The following HTT variants were observed in gnomAD, a reference collection of about 807,000 sequenced individuals.
HTT encodes huntington disease protein.
In HTT, 104 loss-of-function variants were observed where a neutral mutation model predicts 362.3. The observed-to-expected ratio is 0.29, with a 90% CI of 0.24 to 0.34. The LOEUF is 0.34. HTT is among the 10% of genes least tolerant of loss of function. The probability of loss-of-function intolerance (pLI) is 1.00; values close to 1 mark genes in which losing one functional copy is unlikely to be tolerated. For synonymous variants in HTT, 1,577 were observed against 1,548.7 expected (o/e 1.02, Z -0.43); for missense variants, 3,301 against 3,928.6 (o/e 0.84, Z 4.27).
chr4:3,178,401 C>T lies in HTT; in HGVS notation c.4567C>T (p.Leu1523Phe). ...QIIGIPKIIQ[L>F]CDGIMASGRK... ...CATTGGAATTCCTAAAATCATTCAG[C>T]TCTGTGATGGCATCATGGCCAGTGG... is the stretch of plus-strand genomic sequence containing the variant. The change falls in exon 35 of 67, where the codon CTC becomes TTC. Residue 1523 changes from leucine to phenylalanine, a missense_variant. By Grantham distance (22) the Leu-to-Phe change is conservative (BLOSUM62 0). Coordinates refer to ENST00000355072, the MANE Select transcript of HTT (RefSeq NM_001388492.1). 1 of 1,613,596 alleles carries T rather than the reference C, an allele frequency of 6.2e-7. No homozygotes were observed. Among genetic ancestry groups the T allele is most frequent in the Non-Finnish European group, 8.5e-7 (1 of 1,179,540 alleles).
intron 14 of HTT, among the ~76,000 whole-genome samples, chr4:3,130,833 G>A (rs942825245): frequency 2.0e-5 from 3 of 152,096 alleles, no homozygotes; most frequent in Admixed American, 1.3e-4. Context: ...AAGGAATAGC[G>A]TTTCACAGTT....
intron 29 of HTT, 127 bp from the exon 30 acceptor site, chr4:3,172,193 C>A: frequency 1.5e-6 from 1 of 686,582 alleles, no homozygotes; most frequent in Non-Finnish European, 2.7e-6. Context: ...GAAAACTTTC[C>A]TCTGATTTTC....
intron 38 of HTT, among the ~76,000 whole-genome samples, chr4:3,187,078 C>A (rs1287135567): frequency 6.6e-6 from 1 of 151,496 alleles, no homozygotes; most frequent in Non-Finnish European, 1.5e-5. Context: ...CCAGGATGGT[C>A]TTGATCTCCT....
At position 3,145,590 on chromosome 4, in the gene HTT, A is replaced by G. The variant is rs1393760793; in HGVS notation, c.3143+362A>G. On this transcript the variant is annotated intron_variant, in intron 24 of 66. Coordinates refer to ENST00000355072, the MANE Select transcript of HTT (RefSeq NM_001388492.1). ...TTTTTTCACTTAATTGTGACCTAGC[A>G]TACGAAATGGTGATGATTTAGGAAC... Among the ~76,000 whole-genome samples, 6 of 152,226 alleles carry G rather than the reference A, an allele frequency of 3.9e-5. No homozygotes were observed. In the East Asian group the frequency reaches 9.6e-4, roughly 24 times the overall value.
intron 28 of HTT, 43 bp downstream of exon 28, chr4:3,157,242 C>T (rs1717195538): frequency 6.4e-7 from 1 of 1,552,924 alleles, no homozygotes; most frequent in Non-Finnish European, 8.8e-7. Flanking sequence ...TGCACACATA[C>T]TTACGTCTAA....
intron 1 of HTT, among the ~76,000 whole-genome samples, chr4:3,085,631 G>T (rs1284718055): frequency 3.3e-5 from 5 of 152,190 alleles, no homozygotes; most frequent in Non-Finnish European, 7.3e-5. Context: ...TAAATTCCAT[G>T]GGGGAAGGAA....
rs1560604611 is a variant in HTT, at chr4:3,229,870, G to C, written c.8110-17G>C. The C allele has an allele frequency of 6.2e-7, 1 of 1,613,322 alleles. No individual in the cohort carries two copies. The highest frequency in any genetic ancestry group is 8.5e-7 in the Non-Finnish European group (1 of 1,179,284). On this transcript the variant is annotated splice_polypyrimidine_tract_variant and intron_variant, in intron 59 of 66. Transcript: ENST00000355072. ...GCGCGATTCTCCCCTTGCCCTCCTGGTTTTCCACATCTCCAGCTTCTAGTG... is the reference window on the plus strand; with the variant it reads ...GCGCGATTCTCCCCTTGCCCTCCTGCTTTTCCACATCTCCAGCTTCTAGTG...
intron 24 of HTT, among the ~76,000 whole-genome samples, chr4:3,145,735 G>A (rs1716566551): frequency 6.6e-6 from 1 of 152,184 alleles, no homozygotes; most frequent in African/African-American, 2.4e-5. Flanking sequence ...CTTTCATTTT[G>A]TGTATCAATT....
chr4:3,125,021 A>G (rs1302564017), intron 10 of HTT, among the ~76,000 whole-genome samples: 2 of 152,210 alleles, frequency 1.3e-5, no homozygotes, highest in African/African-American at 2.4e-5. Context: ...GAACTTTCAA[A>G]TGAAATATTA....
intron 60 of HTT, 122 bp downstream of exon 60, chr4:3,230,164 G>C: frequency 1.3e-6 from 1 of 765,986 alleles, no homozygotes; most frequent in Non-Finnish European, 2.2e-6. Context: ...GACCCGAACC[G>C]GACTCCACGG....
intron 64 of HTT, among the ~76,000 whole-genome samples, chr4:3,237,225 C>T (rs908743827): frequency 6.6e-6 from 1 of 152,138 alleles, no homozygotes; most frequent in African/African-American, 2.4e-5. Context: ...AGGCACACAC[C>T]ACCATGCCCA....
chr4:3,178,556 G>A (rs363095), intron 35 of HTT, 110 bp downstream of exon 35: 111,791 of 894,484 alleles, frequency 0.12, 10,117 homozygotes, highest in African/African-American at 0.42. Flanking sequence ...GTGCTTCTCA[G>A]GCTCTGCATG....
intron 3 of HTT, among the ~76,000 whole-genome samples, chr4:3,102,700 C>A (rs980430483): frequency 1.3e-5 from 2 of 152,206 alleles, no homozygotes; most frequent in African/African-American, 4.8e-5. Flanking sequence ...TTTGGCACAG[C>A]TTCCTCCCTC....
intron 57 of HTT, among the ~76,000 whole-genome samples, chr4:3,227,827 C>T (rs924198046): frequency 1.3e-5 from 2 of 151,852 alleles, no homozygotes; most frequent in Non-Finnish European, 2.9e-5. Flanking sequence ...GACAGTGCCA[C>T]CCCTGCCCTG....
In HTT at chr4:3,115,309, G is replaced by T. The variant is rs779011165; in HGVS notation, c.753G>T (p.Leu251Phe). 1.9e-6 allele frequency: 3 copies of T among 1,613,782 alleles called. No homozygotes were observed. Among genetic ancestry groups the T allele is most frequent in the African/African-American group, 2.7e-5 (2 of 74,908 alleles). The change falls in exon 7 of 67, where the codon TTG (leucine) becomes TTT (phenylalanine). Residue 251 changes from leucine (L) to phenylalanine (F), a missense_variant. Leu to Phe is a conservative substitution (Grantham distance 22). Transcript: ENST00000355072. ...NFANDNEIKV[L>F]LKAFIANLKS... ...TTGGACTTTTGCTTCCGTAGGTTTT[G>T]TTAAAGGCCTTCATAGCGAACCTGA... is the stretch of plus-strand genomic sequence containing the variant.
chr4:3,115,876 T>G (rs1199733606), intron 7 of HTT, among the ~76,000 whole-genome samples: 1 of 152,226 alleles, frequency 6.6e-6, no homozygotes, highest in East Asian at 1.9e-4. Flanking sequence ...ACGACCTGGC[T>G]TTCAAAGGCA....
rs552689589 is a variant in HTT, at chr4:3,225,547, G to A, written c.7766-114G>A. The A allele has an allele frequency of 1.2e-5, 10 of 820,096 alleles. No homozygotes were observed. In the East Asian group the frequency reaches 2.5e-4, roughly 20 times the overall value. 50.8% of individuals were successfully genotyped at this position (820,096 alleles called of 1,614,324 possible). A position where few individuals can be genotyped will look rare whatever the true frequency, so the allele number is the denominator to read the frequency against. ...TGGGCCCTCCTGCCAGTGGCGGCGA[G>A]GGCAGGTGGCTCACGGCTGGGTGCC... is the stretch of plus-strand genomic sequence containing the variant. On this transcript the variant is annotated intron_variant, in intron 56 of 66. Coordinates refer to ENST00000355072, the MANE Select transcript of HTT (RefSeq NM_001388492.1).
intron 59 of HTT, 126 bp downstream of exon 59, chr4:3,229,135 A>C: frequency 1.1e-6 from 1 of 914,180 alleles, no homozygotes; most frequent in Non-Finnish European, 1.7e-6. Context: ...TGCATGCAAC[A>C]CACACACAGG....
chr4:3,223,295 C>T, intron 54 of HTT, 111 bp from the exon 55 acceptor site: 1 of 1,058,404 alleles, frequency 9.4e-7, no homozygotes, highest in Non-Finnish European at 1.3e-6. Flanking sequence ...CCTTTGGTAG[C>T]ACTTAAGGCT....
Sources: allele counts gnomAD v4.1 joint callset (sites outside exome capture counted in the v4.1 genomes callset), GRCh38; gene constraint gnomAD v4.1.1; transcripts MANE v1.5; gene names NCBI Gene and HGNC (gene_info 2026-07-23, HGNC 2026-07-21).